Variants in RPS6KA5 observed in about 807,000 individuals in gnomAD.
RPS6KA5 encodes ribosomal protein S6 kinase A5, also known as ribosomal protein S6 kinase alpha-5.
Under a neutral mutation model 85.5 loss-of-function variants are expected in RPS6KA5, and 27 were observed. The ratio of observed to expected loss-of-function variants is 0.32; its 90% CI spans 0.23 to 0.44. RPS6KA5 has a LOEUF of 0.44. RPS6KA5 is among the 20% of genes least tolerant of loss of function. RPS6KA5 has a pLI of 1.00. For synonymous variants in RPS6KA5, 334 were observed against 348.2 expected (o/e 0.96, Z 0.46); for missense variants, 811 against 980.9 (o/e 0.83, Z 2.31).
intron 2 of RPS6KA5, among the ~76,000 whole-genome samples, chr14:90,993,118 T>C (rs1000872828): frequency 6.6e-6 from 1 of 152,148 alleles, no homozygotes; most frequent in Non-Finnish European, 1.5e-5. Context: ...AGGGGACCTA[T>C]TGGTAGAAAA....
intron 2 of RPS6KA5, among the ~76,000 whole-genome samples, chr14:90,981,931 C>T (rs2039805501): frequency 6.6e-6 from 1 of 152,166 alleles, no homozygotes; most frequent in South Asian, 2.1e-4. Flanking sequence ...ATCACATTGC[C>T]AAATGGGAAG....
At chr14:91,020,654 ATATGTG>A (rs1286524832) in intron 1 of RPS6KA5, among the ~76,000 whole-genome samples, 2 of 81,008 alleles carry the variant, frequency 2.5e-5, no homozygotes, top group Non-Finnish European at 5.7e-5. Flanking sequence ...GTGTGTGTTT[ATATGTG>A]TATGTGTATG....
rs540181465 is a variant in RPS6KA5 at position 90,980,566 on chromosome 14, C to G, written c.176-2042G>C. On this transcript the variant is annotated intron_variant, in intron 2 of 16. Coordinates refer to ENST00000614987, the MANE Select transcript of RPS6KA5 (RefSeq NM_004755.4). ...ATATAAACTCATTCGATTCTTACAA[C>G]ATTCCTATAAGGAGGTGAGAACTAT... Among the ~76,000 whole-genome samples, 4 of 152,328 alleles carry G rather than the reference C, an allele frequency of 2.6e-5. No homozygotes were observed. The South Asian group carries it at 8.3e-4, about 32-fold the overall frequency.
At chr14:90,989,867 T>G (rs536162667) in intron 2 of RPS6KA5, among the ~76,000 whole-genome samples, 1 of 152,060 alleles carries the variant, frequency 6.6e-6, no homozygotes, top group African/African-American at 2.4e-5. Flanking sequence ...TATGGGCAGG[T>G]AGGGGGACAG....
chr14:90,854,926 G>C lies in RPS6KA5; in HGVS notation c.*17148C>G, dbSNP rs2032195984. 1 of 152,040 alleles carries C rather than the reference G, an allele frequency of 6.6e-6. No individual in the cohort carries two copies. Among genetic ancestry groups the C allele is most frequent in the African/African-American group, 2.4e-5 (1 of 41,404 alleles). The allele number at this position is 152,040 out of a possible 1,614,324, so 9.4% of individuals were successfully genotyped here. A position where few individuals can be genotyped will look rare whatever the true frequency, so the allele number is the denominator to read the frequency against. ...CTGCAATATAAATTCTTCACATAAA[G>C]ATTTTATGTAAAACACTCTGCAGTT... is the stretch of plus-strand genomic sequence containing the variant. On this transcript the variant is annotated 3_prime_UTR_variant, in exon 17 of 17. Transcript: ENST00000614987.
chr14:91,056,386 A>C, intron 1 of RPS6KA5, among the ~76,000 whole-genome samples: 1 of 152,080 alleles, frequency 6.6e-6, no homozygotes, highest in East Asian at 1.9e-4. Flanking sequence ...CAGGCCAAAA[A>C]AGTCCTTCCC....
intron 1 of RPS6KA5, among the ~76,000 whole-genome samples, chr14:91,007,275 A>G (rs1044086295): frequency 3.3e-4 from 51 of 152,318 alleles, no homozygotes; most frequent in African/African-American, 1.2e-3. Context: ...CAAATATACA[A>G]AACAACAAAG....
rs2032371709 is a variant in RPS6KA5, at chr14:90,858,098, A to T, written c.*13976T>A. On this transcript the variant is annotated 3_prime_UTR_variant, in exon 17 of 17. Transcript: ENST00000614987. Reference sequence around the variant, plus strand: ...TGATTGGACTAGCCCTCCTACTGAAAACAACGATGAAAGCTATATTAACCC... The same window carrying T: ...TGATTGGACTAGCCCTCCTACTGAATACAACGATGAAAGCTATATTAACCC... 6.6e-6 allele frequency: 1 copy of T among 152,202 alleles called. No homozygotes were observed. Among genetic ancestry groups the T allele is most frequent in the South Asian group, 2.1e-4 (1 of 4,832 alleles). 9.4% of individuals were successfully genotyped at this position (152,202 alleles called of 1,614,324 possible).
chr14:90,887,255 C>T (rs546369832), intron 14 of RPS6KA5, among the ~76,000 whole-genome samples: 53 of 152,324 alleles, frequency 3.5e-4, no homozygotes, highest in African/African-American at 1.2e-3. Flanking sequence ...GATCACGGCT[C>T]ACTGCAGTCT....
At chr14:90,932,707 C>T (rs1221018805) in intron 5 of RPS6KA5, among the ~76,000 whole-genome samples, 1 of 152,160 alleles carries the variant, frequency 6.6e-6, no homozygotes, top group Non-Finnish European at 1.5e-5. Context: ...ATGAACTGAC[C>T]ATGCTACTCG....
chr14:90,901,869 T>G (rs975106697), intron 9 of RPS6KA5, among the ~76,000 whole-genome samples: 3 of 152,194 alleles, frequency 2.0e-5, no homozygotes, highest in Admixed American at 2.0e-4. Context: ...AAGGTAACAT[T>G]GTGAACTAAA....
chr14:90,873,744 T>A lies in RPS6KA5; in HGVS notation c.2048A>T (p.Tyr683Phe), dbSNP rs2033274854. 2 of 1,614,050 alleles carry A rather than the reference T, an allele frequency of 1.2e-6. No individual in the cohort carries two copies. Among genetic ancestry groups the A allele is most frequent in the African/African-American group, 1.3e-5 (1 of 74,940 alleles). The stretch of plus-strand genomic sequence containing the variant: ...ACTTCCATCTTGTAGCCATTCATTG[T>A]ACCTCAAGCCAGACATTTTAAGCCT... ...NKRLKMSGLR[Y>F]NEWLQDGSQL... Residue 683 changes from tyrosine (Y) to phenylalanine (F), a missense_variant, in exon 16 of 17, where the codon TAC (tyrosine) becomes TTC (phenylalanine). Physicochemically the swap from Tyr to Phe is conservative, Grantham distance 22. This residue lies in a region of RPS6KA5 where 650 missense variants were observed against 793.4 expected (regional missense o/e 0.82). Coordinates refer to ENST00000614987, the MANE Select transcript of RPS6KA5 (RefSeq NM_004755.4).
chr14:90,999,278 C>G (rs1029871466), intron 2 of RPS6KA5, among the ~76,000 whole-genome samples: 13 of 152,122 alleles, frequency 8.5e-5, no homozygotes, highest in African/African-American at 3.1e-4. Flanking sequence ...GTATTGATTA[C>G]AGAGGCCCCA....
At chr14:91,027,231 T>C (rs1331413550) in intron 1 of RPS6KA5, among the ~76,000 whole-genome samples, 3 of 152,270 alleles carry the variant, frequency 2.0e-5, no homozygotes, top group Non-Finnish European at 4.4e-5. Flanking sequence ...AGGATTTTTA[T>C]AGTTTGAGGT....
At chr14:90,915,859 G>A (rs2036093462) in intron 7 of RPS6KA5, among the ~76,000 whole-genome samples, 1 of 151,412 alleles carries the variant, frequency 6.6e-6, no homozygotes, top group Admixed American at 6.6e-5. Context: ...AAAAGCTAGT[G>A]TAAGACACGT....
intron 2 of RPS6KA5, among the ~76,000 whole-genome samples, chr14:90,980,113 A>G (rs1259339287): frequency 1.3e-5 from 2 of 152,232 alleles, no homozygotes; most frequent in East Asian, 3.8e-4. Flanking sequence ...AACAAGATGA[A>G]ATGACAACTT....
At position 90,866,320 on chromosome 14, in the gene RPS6KA5, G is replaced by T. The variant is rs1823619108; in HGVS notation, c.*5754C>A. On this transcript the variant is annotated 3_prime_UTR_variant, in exon 17 of 17. Coordinates refer to ENST00000614987, the MANE Select transcript of RPS6KA5 (RefSeq NM_004755.4). ...TAGCTATTAAAAAAAAATTAGCTGG[G>T]CATGGTGGCTCATGCCTGTAGTCTA... The T allele has an allele frequency of 6.6e-6, 1 of 152,110 alleles. No individual in the cohort carries two copies. Among genetic ancestry groups the T allele is most frequent in the Non-Finnish European group, 1.5e-5 (1 of 68,060 alleles). 9.4% of individuals were successfully genotyped at this position (152,110 alleles called of 1,614,324 possible). A position where few individuals can be genotyped will look rare whatever the true frequency, so the allele number is the denominator to read the frequency against.
chr14:91,035,487 G>A (rs529842973), intron 1 of RPS6KA5, among the ~76,000 whole-genome samples: 122 of 152,222 alleles, frequency 8.0e-4, no homozygotes, highest in African/African-American at 2.8e-3. Context: ...GGACGTGGGT[G>A]CTTTAAAGCA....
intron 14 of RPS6KA5, among the ~76,000 whole-genome samples, chr14:90,882,064 C>T (rs889748678): frequency 2.0e-5 from 3 of 152,110 alleles, no homozygotes; most frequent in Admixed American, 6.5e-5. Context: ...CCTTCATATT[C>T]TGCATTACTG....
Sources: allele counts gnomAD v4.1 joint callset (sites outside exome capture counted in the v4.1 genomes callset), GRCh38; gene constraint gnomAD v4.1.1; regional missense constraint gnomAD v4.1.1; transcripts MANE v1.5; gene names NCBI Gene and HGNC (gene_info 2026-07-23, HGNC 2026-07-21).